Variants in ASAP1 observed in about 807,000 individuals in gnomAD.
The protein encoded by ASAP1 is ArfGAP with SH3 domain, ankyrin repeat and PH domain 1.
Under a neutral mutation model 145.2 loss-of-function variants are expected in ASAP1, and 43 were observed. That is an observed-to-expected ratio of 0.30 (90% CI 0.23 to 0.38). ASAP1 has a LOEUF of 0.38. Ranked by LOEUF, ASAP1 falls within the 10% of genes least tolerant of loss-of-function variation. The probability of loss-of-function intolerance (pLI) is 1.00; values close to 1 mark genes in which losing one functional copy is unlikely to be tolerated. For missense variants in ASAP1, 1,018 were observed against 1,355.3 expected (o/e 0.75, Z 3.91); for synonymous variants, 546 against 515.5 (o/e 1.06, Z -0.80).
intron 14 of ASAP1, 45 bp from the exon 15 acceptor site, chr8:130,134,389 G>A: frequency 8.2e-7 from 1 of 1,214,078 alleles, no homozygotes; most frequent in Non-Finnish European, 1.2e-6. Flanking sequence ...TAGAAAGCAG[G>A]GTACTTTCAG....
intron 3 of ASAP1, among the ~76,000 whole-genome samples, chr8:130,267,019 T>C (rs1820287288): frequency 6.7e-6 from 1 of 149,646 alleles, no homozygotes; most frequent in African/African-American, 2.5e-5. Flanking sequence ...AACCTACAGG[T>C]ACCGCCGCCA....
At chr8:130,248,755 AC>A (rs1190390112) in intron 3 of ASAP1, among the ~76,000 whole-genome samples, 1 of 151,970 alleles carries the variant, frequency 6.6e-6, no homozygotes, top group East Asian at 1.9e-4. Flanking sequence ...CTGGGACCAC[AC>A]CCCAAACTCA....
chr8:130,416,380 T>C (rs559555414), intron 1 of ASAP1, among the ~76,000 whole-genome samples: 1 of 152,352 alleles, frequency 6.6e-6, no homozygotes, highest in East Asian at 1.9e-4. Context: ...GTTTGTTGAA[T>C]GAATTAATTA....
intron 3 of ASAP1, among the ~76,000 whole-genome samples, chr8:130,273,928 A>T (rs1319515513): frequency 3.9e-5 from 6 of 152,224 alleles, no homozygotes. Context: ...CATTAGTCCC[A>T]GCATCCTCCA....
At chr8:130,122,208 G>A (rs1592851310) in intron 18 of ASAP1, among the ~76,000 whole-genome samples, 1 of 152,140 alleles carries the variant, frequency 6.6e-6, no homozygotes, top group Non-Finnish European at 1.5e-5. Flanking sequence ...AATACAATGT[G>A]TAATTGTATG....
chr8:130,242,275 A>AAC (rs1554855712), intron 3 of ASAP1, among the ~76,000 whole-genome samples: 1 of 149,180 alleles, frequency 6.7e-6, no homozygotes, highest in Non-Finnish European at 1.5e-5. Context: ...AAAAAAAAAA[A>AAC]AAAAAAAACA....
intron 3 of ASAP1, among the ~76,000 whole-genome samples, chr8:130,356,854 C>T (rs1826340857): frequency 6.6e-6 from 1 of 152,138 alleles, no homozygotes; most frequent in Admixed American, 6.5e-5. Flanking sequence ...CCCAAGCTTC[C>T]CCATATTACA....
At chr8:130,421,969 C>T (rs753556483) in intron 1 of ASAP1, among the ~76,000 whole-genome samples, 10 of 152,070 alleles carry the variant, frequency 6.6e-5, no homozygotes, top group Non-Finnish European at 1.5e-4. Flanking sequence ...CTCAGAAAGC[C>T]ACAAAATAGT....
intron 7 of ASAP1, among the ~76,000 whole-genome samples, chr8:130,184,567 G>T (rs1814590498): frequency 6.6e-6 from 1 of 152,216 alleles, no homozygotes; most frequent in Non-Finnish European, 1.5e-5. Flanking sequence ...GGACAATACA[G>T]ATAAGTGAGA....
intron 5 of ASAP1, among the ~76,000 whole-genome samples, chr8:130,212,239 C>G (rs1565094763): frequency 6.6e-6 from 1 of 152,226 alleles, no homozygotes. Context: ...CTACTTGGCT[C>G]CCTCACCAGG....
At chr8:130,086,248 C>T (rs13251129) in intron 25 of ASAP1, among the ~76,000 whole-genome samples, 10 of 152,260 alleles carry the variant, frequency 6.6e-5, no homozygotes, top group Admixed American at 4.6e-4. Context: ...TCCTGGCCCC[C>T]ACGTACTAGC....
chr8:130,316,490 A>G (rs1009108040), intron 3 of ASAP1, among the ~76,000 whole-genome samples: 8 of 152,224 alleles, frequency 5.3e-5, no homozygotes, highest in Non-Finnish European at 8.8e-5. Flanking sequence ...TGAAAATACA[A>G]GTTTCCATTT....
chr8:130,404,144 G>T (rs540376314), intron 1 of ASAP1, among the ~76,000 whole-genome samples: 1 of 152,180 alleles, frequency 6.6e-6, no homozygotes, highest in African/African-American at 2.4e-5. Context: ...TTTGTTTATT[G>T]GTGTATGTTG....
chr8:130,214,446 T>C, intron 5 of ASAP1, 110 bp downstream of exon 5: 1 of 1,119,630 alleles, frequency 8.9e-7, no homozygotes, highest in East Asian at 2.9e-5. Flanking sequence ...TTTTTCTTTC[T>C]CACCCCTAGG....
chr8:130,246,301 A>G (rs1818851903), intron 3 of ASAP1, among the ~76,000 whole-genome samples: 1 of 152,124 alleles, frequency 6.6e-6, no homozygotes, highest in African/African-American at 2.4e-5. Context: ...TTTTGTACCA[A>G]TGGCAGAATT....
intron 9 of ASAP1, among the ~76,000 whole-genome samples, chr8:130,170,698 A>G (rs905535252): frequency 1.3e-5 from 2 of 152,190 alleles, no homozygotes; most frequent in African/African-American, 4.8e-5. Flanking sequence ...TTAACCATTT[A>G]ACTGAAAAAT....
chr8:130,361,652 G>C, intron 2 of ASAP1: 1 of 1,495,286 alleles, frequency 6.7e-7, no homozygotes. Flanking sequence ...AATTTCAAAG[G>C]TTCACACCTC....
intron 3 of ASAP1, among the ~76,000 whole-genome samples, chr8:130,335,699 C>T (rs1824989337): frequency 6.6e-6 from 1 of 152,168 alleles, no homozygotes; most frequent in Non-Finnish European, 1.5e-5. Context: ...CCTGCTGAGG[C>T]TGTGTCTCCC....
At chr8:130,393,487 G>A (rs1828380946) in intron 2 of ASAP1, among the ~76,000 whole-genome samples, 1 of 152,216 alleles carries the variant, frequency 6.6e-6, no homozygotes, top group Admixed American at 6.5e-5. Flanking sequence ...CAAGCACAGT[G>A]GCTCATGCCT....
Sources: gnomAD v4.1 joint callset for allele counts (sites outside exome capture counted in the v4.1 genomes callset) on GRCh38, gnomAD v4.1.1 for gene constraint, MANE v1.5 for transcripts, NCBI Gene and HGNC (gene_info 2026-07-23, HGNC 2026-07-21) for gene names.